ATP7B: variants seen among roughly 807,000 people sequenced by gnomAD.
ATP7B encodes the protein ATPase copper transporting beta.
A neutral mutation model predicts 118.9 loss-of-function variants in ATP7B; 113 were observed. The observed-to-expected ratio is 0.95, with a 90% confidence interval of 0.82 to 1.11. ATP7B has a LOEUF of 1.11. ATP7B is among the 50% of genes most tolerant of loss of function. The probability of loss-of-function intolerance (pLI) is 0.00; values close to 1 mark genes in which losing one functional copy is unlikely to be tolerated. For synonymous variants in ATP7B, 777 were observed against 727.4 expected (o/e 1.07, Z -1.10); for missense variants, 1,867 against 1,871.4 (o/e 1.00, Z 0.04).
intron 1 of ATP7B, among the ~76,000 whole-genome samples, chr13:52,010,739 A>T (rs7319784): frequency 0.6 from 90,947 of 151,758 alleles, 30,208 homozygotes; most frequent in Non-Finnish European, 0.74. Context: ...TGAAACATAG[A>T]AAGTTCTCAA....
intron 1 of ATP7B, among the ~76,000 whole-genome samples, chr13:52,008,169 G>A (rs969139535): frequency 2.6e-5 from 4 of 151,980 alleles, no homozygotes; most frequent in Non-Finnish European, 1.5e-5. Context: ...GTGAAACCCC[G>A]TCTCCACTAA....
rs1957653671 is a variant in ATP7B at position 51,946,345 on chromosome 13, C to A, written c.2999G>T (p.Gly1000Val). ...GAGGATGCCGTTCTGCGCGGCCACCCCGGTGCCCACCATGACAGCCGTGGG... is the reference window on the plus strand; with the variant it reads ...GAGGATGCCGTTCTGCGCGGCCACCACGGTGCCCACCATGACAGCCGTGGG... ...ATPTAVMVGTGVAAQNGILIK... is the reference protein window; with the variant it reads ...ATPTAVMVGTVVAAQNGILIK... The change falls in exon 13 of 21, where the codon GGG (glycine) becomes GTG (valine). Residue 1000 changes from glycine to valine, a missense_variant. By Grantham distance (109) the Gly-to-Val change is moderately radical (BLOSUM62 -3). Coordinates refer to ENST00000242839, the MANE Select transcript of ATP7B (RefSeq NM_000053.4). 6.2e-6 allele frequency: 10 copies of A among 1,611,230 alleles called. No individual in the cohort carries two copies. The highest frequency in any genetic ancestry group is 7.6e-6 in the Non-Finnish European group (9 of 1,179,154).
rs1264892091 is a variant in ATP7B at position 51,970,654 on chromosome 13, G to A, written c.1381C>T (p.Pro461Ser). The A allele has an allele frequency of 6.2e-7, 1 of 1,614,050 alleles. No homozygotes were observed. Among genetic ancestry groups the A allele is most frequent in the Admixed American group, 1.7e-5 (1 of 60,008 alleles). The part of the protein sequence containing the change: ...GTPTSVQEVA[P>S]HTGRLPANHA... Reference sequence around the variant, plus strand: ...TTTGCAGGGAGCCTCCCAGTGTGGGGAGCCACTTCCTGCACAGATGTAGGT... The same window carrying A: ...TTTGCAGGGAGCCTCCCAGTGTGGGAAGCCACTTCCTGCACAGATGTAGGT... Residue 461 changes from proline (P) to serine (S), a missense_variant, in exon 3 of 21, where the codon CCC becomes TCC. Physicochemically the swap from Pro to Ser is moderately conservative, Grantham distance 74. Coordinates refer to ENST00000242839, the MANE Select transcript of ATP7B (RefSeq NM_000053.4).
rs566000964 is a variant in ATP7B, at chr13:51,972,828, C to T, written c.1285+1107G>A. Among the ~76,000 whole-genome samples, 43 of 152,056 alleles carry T rather than the reference C, an allele frequency of 2.8e-4. No homozygotes were observed. In the South Asian group the frequency reaches 8.3e-3, roughly 29 times the overall value. Reference sequence around the variant, plus strand: ...CAGCCTGGGAAACACAGCAACACTCCGTCTCTACAAAAAAATAAAAATAAA... The same window carrying T: ...CAGCCTGGGAAACACAGCAACACTCTGTCTCTACAAAAAAATAAAAATAAA... On this transcript the variant is annotated intron_variant, in intron 2 of 20. Coordinates refer to ENST00000242839, the MANE Select transcript of ATP7B (RefSeq NM_000053.4).
At chr13:52,005,331 C>A (rs1953713953) in intron 1 of ATP7B, among the ~76,000 whole-genome samples, 1 of 152,166 alleles carries the variant, frequency 6.6e-6, no homozygotes, top group East Asian at 1.9e-4. Context: ...CATGCAGCAC[C>A]CTGCACACTC....
intron 9 of ATP7B, among the ~76,000 whole-genome samples, chr13:51,957,281 T>G (rs1958411979): frequency 6.6e-6 from 1 of 152,084 alleles, no homozygotes; most frequent in Admixed American, 6.5e-5. Flanking sequence ...ATTCCTGGAA[T>G]ACTAATCATC....
At position 51,942,807 on chromosome 13, in the gene ATP7B, C is replaced by T. The variant is rs74744480; in HGVS notation, c.3244-253G>A. Among the ~76,000 whole-genome samples the T allele has an allele frequency of 1.5e-3, 221 of 152,232 alleles. 3 individuals carry two copies. In the East Asian group the frequency reaches 0.037, roughly 26 times the overall value. ...GTTGAATGAGACTATTTTAAACAGCCTAAAATCCTTCCCTGGGTGGGTGCC... is the reference window on the plus strand; with the variant it reads ...GTTGAATGAGACTATTTTAAACAGCTTAAAATCCTTCCCTGGGTGGGTGCC... On this transcript the variant is annotated intron_variant, in intron 14 of 20. Transcript: ENST00000242839.
intron 2 of ATP7B, among the ~76,000 whole-genome samples, chr13:51,971,857 G>A (rs79334642): frequency 0.055 from 8,400 of 152,344 alleles, 326 homozygotes; most frequent in Non-Finnish European, 0.084. Context: ...AGGAAATGAT[G>A]TGGGAAACCA....
Position 51,933,983 on chromosome 13 carries a change from G to A in ATP7B, c.*773C>T, listed in dbSNP as rs1323642689. The A allele has an allele frequency of 6.5e-6, 1 of 152,876 alleles. No homozygotes were observed. The highest frequency in any genetic ancestry group is 1.5e-5 in the Non-Finnish European group (1 of 68,582). 9.5% of individuals were successfully genotyped at this position (152,876 alleles called of 1,614,324 possible). ...GTCAGCAACAACACTCTATTGAGAA[G>A]CCAACACTCCATGGAGAAGGGGGCT... On this transcript the variant is annotated 3_prime_UTR_variant, in exon 21 of 21. Transcript: ENST00000242839.
intron 1 of ATP7B, among the ~76,000 whole-genome samples, chr13:51,997,340 T>C (rs1566658654): frequency 6.6e-6 from 1 of 152,228 alleles, no homozygotes; most frequent in Non-Finnish European, 1.5e-5. Context: ...ATTGAACATA[T>C]TTTAACTTTT....
chr13:51,942,614 G>A, intron 14 of ATP7B, 60 bp from the exon 15 acceptor site: 1 of 1,603,514 alleles, frequency 6.2e-7, no homozygotes, highest in Admixed American at 1.7e-5. Context: ...AAGTGAAAGG[G>A]AGGGGCAGGC....
At chr13:51,990,100 T>A (rs1280937439) in intron 1 of ATP7B, among the ~76,000 whole-genome samples, 1 of 151,772 alleles carries the variant, frequency 6.6e-6, no homozygotes, top group African/African-American at 2.4e-5. Context: ...AAAATTAAAA[T>A]AACATTTATT....
intron 9 of ATP7B, among the ~76,000 whole-genome samples, chr13:51,955,722 G>A (rs796066562): frequency 1.3e-5 from 2 of 152,234 alleles, no homozygotes; most frequent in African/African-American, 4.8e-5. Context: ...GCTGCCAGCG[G>A]CTTGGCTCCC....
At chr13:51,953,868 A>AAAAAAAAAAAAAAAAAAAAC (rs1461098056) in intron 9 of ATP7B, among the ~76,000 whole-genome samples, 25 of 148,300 alleles carry the variant, frequency 1.7e-4, no homozygotes, top group African/African-American at 6.0e-4. Flanking sequence ...AAAAAAAAAA[A>AAAAAAAAAAAAAAAAAAAAC]CCAGAAAATT....
chr13:51,944,021 C>T, intron 14 of ATP7B, 88 bp downstream of exon 14: 1 of 1,552,512 alleles, frequency 6.4e-7, no homozygotes, highest in South Asian at 1.2e-5. Context: ...ACAGAGAAGG[C>T]TCCTCGAGGG....
chr13:51,942,587 G>A (rs775129474), intron 14 of ATP7B, 33 bp from the exon 15 acceptor site: 4 of 1,613,100 alleles, frequency 2.5e-6, no homozygotes, highest in South Asian at 1.1e-5. Flanking sequence ...AGAGGAAACT[G>A]TAAGCCAAGA....
intron 19 of ATP7B, among the ~76,000 whole-genome samples, chr13:51,936,250 G>A (rs1432819081): frequency 2.0e-5 from 3 of 152,170 alleles, no homozygotes; most frequent in South Asian, 2.1e-4. Context: ...CTCCTGAGCC[G>A]GCTCTGGGGA....
At chr13:51,981,903 C>T (rs900012873) in intron 1 of ATP7B, among the ~76,000 whole-genome samples, 3 of 152,152 alleles carry the variant, frequency 2.0e-5, no homozygotes, top group Non-Finnish European at 4.4e-5. Context: ...GCCTGTCCAA[C>T]CCATGGCCTG....
chr13:52,007,669 C>G (rs1953839598), intron 1 of ATP7B, among the ~76,000 whole-genome samples: 1 of 152,166 alleles, frequency 6.6e-6, no homozygotes, highest in Non-Finnish European at 1.5e-5. Context: ...CAGGTAAGGG[C>G]TCAGGCCCAC....
Sources: allele counts gnomAD v4.1 joint callset (sites outside exome capture counted in the v4.1 genomes callset), GRCh38; gene constraint gnomAD v4.1.1; transcripts MANE v1.5; gene names NCBI Gene and HGNC (gene_info 2026-07-23, HGNC 2026-07-21).